Variants in ERG observed in about 807,000 individuals in gnomAD.
The protein encoded by ERG is transcriptional regulator ERG.
Under a neutral mutation model 55.3 loss-of-function variants are expected in ERG, and 9 were observed. The observed-to-expected ratio is 0.16, with a 90% CI of 0.10 to 0.28. The LOEUF is 0.28. Ranked by LOEUF, ERG falls within the 10% of genes least tolerant of loss-of-function variation. The probability of loss-of-function intolerance (pLI) is 1.00; values close to 1 mark genes in which losing one functional copy is unlikely to be tolerated. For missense variants in ERG, 434 were observed against 631.6 expected, an observed-to-expected ratio of 0.69 and a Z score of 3.35; for synonymous variants, 223 against 237.3, an observed-to-expected ratio of 0.94 and a Z score of 0.55.
intron 1 of ERG, among the ~76,000 whole-genome samples, chr21:38,611,150 C>T (rs899898945): frequency 2.6e-5 from 4 of 152,154 alleles, no homozygotes; most frequent in African/African-American, 9.7e-5. Context: ...AACACGCATG[C>T]CCTCATCACC....
In ERG at chr21:38,634,553, C is replaced by T. The variant is rs567738033; in HGVS notation, c.-150+27105G>A. The stretch of plus-strand genomic sequence containing the variant: ...TCCTCCAACCAAAAACTCTTCGAGT[C>T]CAGTTTTAAGGCACATCAAGTGGAG... On this transcript the variant is annotated intron_variant, in intron 1 of 10. Coordinates refer to the ERG transcript ENST00000398910. Among the ~76,000 whole-genome samples, 4 of 152,292 alleles carry T rather than the reference C, an allele frequency of 2.6e-5. No homozygotes were observed. In the South Asian group the frequency reaches 8.3e-4, roughly 32 times the overall value.
intron 1 of ERG, among the ~76,000 whole-genome samples, chr21:38,474,524 C>A (rs181084412): frequency 6.6e-6 from 1 of 152,272 alleles, no homozygotes; most frequent in Non-Finnish European, 1.5e-5. Flanking sequence ...TTTCACCCTG[C>A]CTCTCTTCTC....
chr21:38,503,074 G>A (rs2059433309), upstream of ERG, among the ~76,000 whole-genome samples: 1 of 152,192 alleles, frequency 6.6e-6, no homozygotes, highest in African/African-American at 2.4e-5. Flanking sequence ...AAAAGGCAAA[G>A]TAAAAATATT....
chr21:38,586,343 T>C (rs968125293), upstream of ERG, among the ~76,000 whole-genome samples: 1 of 151,864 alleles, frequency 6.6e-6, no homozygotes, highest in African/African-American at 2.4e-5. Flanking sequence ...TTCAAGAATA[T>C]AATGCATTGT....
intron 9 of ERG, among the ~76,000 whole-genome samples, chr21:38,386,593 G>A (rs945511667): frequency 6.6e-6 from 1 of 152,140 alleles, no homozygotes; most frequent in African/African-American, 2.4e-5. Flanking sequence ...GTGTGACGAG[G>A]TGCATTTTAG....
At chr21:38,372,424 T>C in the ERG span, among the ~76,000 whole-genome samples, 2 of 151,954 alleles carry the variant, frequency 1.3e-5, no homozygotes, top group Non-Finnish European at 2.9e-5. Context: ...TTAAAATGGA[T>C]GCTTAGTTTA....
At chr21:38,519,597 AT>A (rs2059578656) in intron 2 of ERG, among the ~76,000 whole-genome samples, 1 of 152,200 alleles carries the variant, frequency 6.6e-6, no homozygotes, top group Non-Finnish European at 1.5e-5. Flanking sequence ...AGCCCATTTG[AT>A]GTAGTCGACA....
At chr21:38,410,707 C>T (rs1337130927) in intron 3 of ERG, among the ~76,000 whole-genome samples, 1 of 152,218 alleles carries the variant, frequency 6.6e-6, no homozygotes, top group Non-Finnish European at 1.5e-5. Context: ...CAAAGGGGCA[C>T]TGCATCGCCA....
chr21:38,516,208 C>T (rs1450213281), intron 2 of ERG, among the ~76,000 whole-genome samples: 1 of 151,940 alleles, frequency 6.6e-6, no homozygotes, highest in Non-Finnish European at 1.5e-5. Flanking sequence ...TTGGAGATGA[C>T]ATGATCTTAC....
chr21:38,529,503 T>C (rs938523362), intron 2 of ERG, among the ~76,000 whole-genome samples: 2 of 152,188 alleles, frequency 1.3e-5, no homozygotes, highest in African/African-American at 4.8e-5. Flanking sequence ...ATGGTTATCC[T>C]ATTATTAATA....
intron 2 of ERG, among the ~76,000 whole-genome samples, chr21:38,429,694 T>C (rs898149447): frequency 1.4e-5 from 2 of 145,256 alleles, no homozygotes; most frequent in African/African-American, 5.1e-5. Context: ...TATGTGTGTA[T>C]ACATGTATAT....
At chr21:38,646,311 A>T (rs912770379) in intron 1 of ERG, among the ~76,000 whole-genome samples, 2 of 151,756 alleles carry the variant, frequency 1.3e-5, no homozygotes, top group Non-Finnish European at 2.9e-5. Flanking sequence ...AAACAAACAA[A>T]AACAAAACAG....
Position 38,383,122 on chromosome 21 carries a change from G to T in ERG, c.*281C>A. ...TTAAGACCACTTTCTTTGGCACTTT[G>T]TCCTTAAGACTTCATGCTTCTACAT... is the stretch of plus-strand genomic sequence containing the variant. On this transcript the variant is annotated 3_prime_UTR_variant, in exon 10 of 10. Transcript: ENST00000288319. The surrounding 1 kb of genome is among the most constrained non-coding windows in gnomAD (Gnocchi z 5.7). 8.5e-7 allele frequency: 1 copy of T among 1,169,714 alleles called. No homozygotes were observed. Among genetic ancestry groups the T allele is most frequent in the Non-Finnish European group, 1.1e-6 (1 of 948,096 alleles). The allele number at this position is 1,169,714 out of a possible 1,614,324, so 72.5% of individuals were successfully genotyped here. A position where few individuals can be genotyped will look rare whatever the true frequency, so the allele number is the denominator to read the frequency against.
At chr21:38,659,725 G>C (rs1273539209) in intron 1 of ERG, among the ~76,000 whole-genome samples, 1 of 152,222 alleles carries the variant, frequency 6.6e-6, no homozygotes, top group Non-Finnish European at 1.5e-5. Flanking sequence ...ACGATGAGTT[G>C]TATTAAATCC....
chr21:38,389,229 T>A (rs2000428), intron 9 of ERG, among the ~76,000 whole-genome samples: 117,121 of 152,018 alleles, frequency 0.77, 45,598 homozygotes, highest in East Asian at 0.86. Flanking sequence ...GTCAGGTTTC[T>A]AACCTGACCT....
At chr21:38,584,281 C>T (rs2060048787) in intron 1 of ERG, among the ~76,000 whole-genome samples, 1 of 152,190 alleles carries the variant, frequency 6.6e-6, no homozygotes, top group African/African-American at 2.4e-5. Context: ...CATGGGCATG[C>T]CTTAGAGAGA....
intron 2 of ERG, among the ~76,000 whole-genome samples, chr21:38,514,865 G>A (rs911261715): frequency 2.0e-5 from 3 of 152,004 alleles, no homozygotes; most frequent in African/African-American, 7.2e-5. Flanking sequence ...TTGGAAATAA[G>A]TCATTAGAAT....
Position 38,633,400 on chromosome 21 carries a change from G to GA in ERG, c.-150+28257dup, listed in dbSNP as rs201874376. Reference sequence around the variant, plus strand: ...TTATGCATTTCTTTTTACCATAATAGAAAAAAAATCATTTAAAAAGTGACT... The same window carrying GA: ...TTATGCATTTCTTTTTACCATAATAGAAAAAAAAATCATTTAAAAAGTGACT... On this transcript the variant is annotated intron_variant, in intron 1 of 10. Transcript: ENST00000398910. Among the ~76,000 whole-genome samples the GA allele has an allele frequency of 6.8e-4, 103 of 151,932 alleles. No individual in the cohort carries two copies. In the East Asian group the frequency reaches 0.019, roughly 28 times the overall value.
At chr21:38,611,136 GA>G (rs1176319103) in intron 1 of ERG, among the ~76,000 whole-genome samples, 1 of 152,104 alleles carries the variant, frequency 6.6e-6, no homozygotes, top group Non-Finnish European at 1.5e-5. Context: ...ACCCTATGCA[GA>G]ATAACACGCA....
Sources: allele counts gnomAD v4.1 joint callset (sites outside exome capture counted in the v4.1 genomes callset), GRCh38; gene constraint gnomAD v4.1.1; non-coding constraint Gnocchi (gnomAD v3.1); transcripts MANE v1.5; gene names NCBI Gene and HGNC (gene_info 2026-07-23, HGNC 2026-07-21).